Variants in GLRA3 observed in about 807,000 individuals in gnomAD.
The protein encoded by GLRA3 is glycine receptor subunit alpha-3.
GLRA3 carries 44 observed loss-of-function variants against 60.4 expected under a neutral mutation model. The ratio of observed to expected loss-of-function variants is 0.73; its 90% CI spans 0.57 to 0.94. The LOEUF (loss-of-function observed/expected upper bound fraction) is 0.94. Ranked by LOEUF, GLRA3 falls within the 40% of genes least tolerant of loss-of-function variation. The probability of loss-of-function intolerance (pLI) is 0.00; values close to 1 mark genes in which losing one functional copy is unlikely to be tolerated. For missense variants in GLRA3, 508 were observed against 564.6 expected, an observed-to-expected ratio of 0.90 and a Z score of 1.02; for synonymous variants, 223 against 192.9, an observed-to-expected ratio of 1.16 and a Z score of -1.29.
chr4:174,644,002 T>C lies in GLRA3; in HGVS notation c.1179A>G (p.Gln393=), dbSNP rs1732712530. ...CCTTTGGAGTCATGCCATCCTTTGC[T>C]TGTAGACATGGTCCCATTCCATAGG... The part of the protein sequence containing the change: ...FTAYGMGPCL[Q]AKDGMTPKGP... Residue 393 remains glutamine, a synonymous_variant, in exon 10 of 10, where the codon CAA becomes CAG. Transcript: ENST00000274093. 6 of 1,613,816 alleles carry C rather than the reference T, an allele frequency of 3.7e-6. No individual in the cohort carries two copies. Among genetic ancestry groups the C allele is most frequent in the Non-Finnish European group, 5.1e-6 (6 of 1,179,906 alleles).
chr4:174,691,381 C>T (rs1376655497), intron 5 of GLRA3, among the ~76,000 whole-genome samples: 1 of 151,994 alleles, frequency 6.6e-6, no homozygotes, highest in East Asian at 1.9e-4. Flanking sequence ...TCCCCTCTCC[C>T]CTCTCTCTCC....
rs940330481 is a variant in GLRA3, at chr4:174,639,319, G to A, written c.*4467C>T. The A allele has an allele frequency of 6.6e-6, 1 of 151,314 alleles. No homozygotes were observed. The highest frequency in any genetic ancestry group is 1.5e-5 in the Non-Finnish European group (1 of 67,874). 9.4% of individuals were successfully genotyped at this position (151,314 alleles called of 1,614,324 possible). On this transcript the variant is annotated 3_prime_UTR_variant, in exon 10 of 10. Transcript: ENST00000274093. ...TTATGAACCTTTGTCTAGAAAAATT[G>A]ACTGTCTTTGTATTTTTAATCTAAA...
At chr4:174,725,950 T>C (rs563007985) in intron 4 of GLRA3, among the ~76,000 whole-genome samples, 1 of 152,326 alleles carries the variant, frequency 6.6e-6, no homozygotes, top group South Asian at 2.1e-4. Flanking sequence ...TATTTAAACT[T>C]TTTTGGTTTT....
In GLRA3 at chr4:174,759,952, G is replaced by T. The variant is rs908943954; in HGVS notation, c.267+7011C>A. Among the ~76,000 whole-genome samples the T allele has an allele frequency of 3.3e-5, 5 of 152,114 alleles. No individual in the cohort carries two copies. In the East Asian group the frequency reaches 9.6e-4, roughly 29 times the overall value. On this transcript the variant is annotated intron_variant, in intron 3 of 9. Transcript: ENST00000274093. Reference sequence around the variant, plus strand: ...ATCTTTATGCACTTGGGTGAGAGAAGAATTTCTTATGGCAAAGAAGCATAG... The same window carrying T: ...ATCTTTATGCACTTGGGTGAGAGAATAATTTCTTATGGCAAAGAAGCATAG...
intron 1 of GLRA3, among the ~76,000 whole-genome samples, chr4:174,825,234 G>A (rs1416977313): frequency 2.6e-5 from 4 of 151,960 alleles, no homozygotes; most frequent in Non-Finnish European, 2.9e-5. Flanking sequence ...TAGTAAAATT[G>A]TATTCCTAGA....
chr4:174,798,707 G>C (rs868858990), intron 1 of GLRA3, among the ~76,000 whole-genome samples: 1 of 152,192 alleles, frequency 6.6e-6, no homozygotes, highest in Non-Finnish European at 1.5e-5. Flanking sequence ...GGCGGATCAC[G>C]AGGTCAGTAG....
chr4:174,799,967 T>C (rs1241317874), intron 1 of GLRA3, among the ~76,000 whole-genome samples: 1 of 152,182 alleles, frequency 6.6e-6, no homozygotes, highest in Non-Finnish European at 1.5e-5. Context: ...TTAAGCTTTA[T>C]ATGTTTAAGT....
At chr4:174,798,458 T>TA (rs1739658525) in intron 1 of GLRA3, among the ~76,000 whole-genome samples, 1 of 152,204 alleles carries the variant, frequency 6.6e-6, no homozygotes, top group African/African-American at 2.4e-5. Flanking sequence ...TAGGGAGAAC[T>TA]AAAGAGAAAC....
chr4:174,828,249 G>T (rs1741057246), intron 1 of GLRA3, among the ~76,000 whole-genome samples: 1 of 152,028 alleles, frequency 6.6e-6, no homozygotes, highest in African/African-American at 2.4e-5. Flanking sequence ...AATAGTACTT[G>T]CAAGGCCCTT....
At chr4:174,801,552 T>C (rs1314435840) in intron 1 of GLRA3, among the ~76,000 whole-genome samples, 1 of 152,196 alleles carries the variant, frequency 6.6e-6, no homozygotes, top group Admixed American at 6.5e-5. Context: ...ATTCTCAAGA[T>C]GAAAATCTTT....
intron 7 of GLRA3, among the ~76,000 whole-genome samples, chr4:174,673,256 A>T (rs1733979084): frequency 6.6e-6 from 1 of 152,126 alleles, no homozygotes; most frequent in Non-Finnish European, 1.5e-5. Context: ...AGAGTTTACA[A>T]ATTAAAATTA....
chr4:174,815,490 A>T (rs1740452775), intron 1 of GLRA3, among the ~76,000 whole-genome samples: 1 of 152,174 alleles, frequency 6.6e-6, no homozygotes, highest in Non-Finnish European at 1.5e-5. Flanking sequence ...GAAGTTCCCC[A>T]TGAGGGCTCC....
At chr4:174,823,404 A>G (rs1422533582) in intron 1 of GLRA3, among the ~76,000 whole-genome samples, 2 of 152,214 alleles carry the variant, frequency 1.3e-5, no homozygotes, top group East Asian at 3.9e-4. Context: ...ATGTTCCTGT[A>G]GTCCCAGCTA....
At chr4:174,729,032 C>A (rs1736448025) in intron 3 of GLRA3, among the ~76,000 whole-genome samples, 1 of 152,182 alleles carries the variant, frequency 6.6e-6, no homozygotes, top group Admixed American at 6.5e-5. Context: ...TCCCATCCCC[C>A]AGGATCCTCA....
intron 5 of GLRA3, among the ~76,000 whole-genome samples, chr4:174,698,537 G>T (rs1735158515): frequency 6.6e-6 from 1 of 152,040 alleles, no homozygotes; most frequent in African/African-American, 2.4e-5. Flanking sequence ...CTATTTATTT[G>T]TAAGAACCAA....
At chr4:174,656,874 T>C (rs1451074917) in intron 8 of GLRA3, 87 bp from the exon 9 acceptor site, 1 of 766,212 alleles carries the variant, frequency 1.3e-6, no homozygotes, top group Non-Finnish European at 2.3e-6. Context: ...CAATTGGTTG[T>C]AATTGTATAT....
intron 3 of GLRA3, among the ~76,000 whole-genome samples, chr4:174,761,472 C>A (rs939283797): frequency 3.3e-5 from 5 of 152,144 alleles, no homozygotes; most frequent in African/African-American, 1.2e-4. Context: ...CATCTATGTA[C>A]ACCGACACCT....
intron 3 of GLRA3, among the ~76,000 whole-genome samples, chr4:174,762,630 C>A (rs557604476): frequency 2.0e-5 from 3 of 152,096 alleles, no homozygotes; most frequent in Admixed American, 6.6e-5. Context: ...TAACTTCTAA[C>A]GTTCTCACCT....
chr4:174,668,021 T>C (rs1472915047), intron 7 of GLRA3, among the ~76,000 whole-genome samples: 2 of 152,110 alleles, frequency 1.3e-5, no homozygotes, highest in African/African-American at 4.8e-5. Context: ...TAGTGCTGTC[T>C]TGTGACAGAG....
Sources: allele counts gnomAD v4.1 joint callset (sites outside exome capture counted in the v4.1 genomes callset), GRCh38; gene constraint gnomAD v4.1.1; transcripts MANE v1.5; gene names NCBI Gene and HGNC (gene_info 2026-07-23, HGNC 2026-07-21).